The following GALNT13 variants were observed in gnomAD, a reference collection of about 807,000 sequenced individuals.
GALNT13 encodes UDP-GalNAc:polypeptide N-acetylgalactosaminyltransferase 13.
GALNT13 carries 28 observed loss-of-function variants against 64.2 expected under a neutral mutation model. The observed-to-expected ratio is 0.44, with a 90% CI of 0.32 to 0.60. The LOEUF (loss-of-function observed/expected upper bound fraction) is 0.60, where lower values mean the gene tolerates loss of function less well. Among genes scored for constraint, GALNT13 ranks in the 20% least tolerant of loss-of-function variants. The pLI is 0.05. For synonymous variants in GALNT13, 214 were observed against 224.6 expected (o/e 0.95, Z 0.42); for missense variants, 577 against 669.8 (o/e 0.86, Z 1.53).
the GALNT13 span, among the ~76,000 whole-genome samples, chr2:153,125,674 T>A: frequency 6.6e-6 from 1 of 152,342 alleles, no homozygotes; most frequent in South Asian, 2.1e-4. Flanking sequence ...TAAGCATTAA[T>A]GTAATTATGT....
At chr2:153,181,030 C>CTTTTTT in the GALNT13 span, among the ~76,000 whole-genome samples, 232 of 32,024 alleles carry the variant, frequency 7.2e-3, 15 homozygotes, top group African/African-American at 0.024. Context: ...TTTATTGTTT[C>CTTTTTT]TTTTTTTTTT....
intron 11 of GALNT13, among the ~76,000 whole-genome samples, chr2:154,420,990 G>A (rs1700224476): frequency 6.6e-6 from 1 of 152,008 alleles, no homozygotes; most frequent in Admixed American, 6.6e-5. Context: ...AATTAGGCAA[G>A]GATATTCCTA....
the GALNT13 span, among the ~76,000 whole-genome samples, chr2:153,528,229 G>A: frequency 1.3e-5 from 2 of 151,786 alleles, no homozygotes; most frequent in African/African-American, 4.8e-5. Flanking sequence ...TAAATGGATG[G>A]AAGAAGATAT....
chr2:154,396,118 C>G lies in GALNT13; in HGVS notation c.1284C>G (p.Tyr428Ter). The change falls in exon 10 of 13, where the codon TAC becomes TAG. Residue 428 changes from tyrosine (Y) to a stop codon, truncating the protein, a stop_gained. Transcript: ENST00000392825. LOFTEE classifies it high-confidence loss of function. ...ACTCCCAGATCCCAAGACGTTATTA[C>G]TCACTTGGTGAGGTATGAATTATTT... ...YPDSQIPRRY[Y>*]SLGEIRNVET... is the part of the protein sequence containing the mutation. The G allele has an allele frequency of 6.2e-7, 1 of 1,602,536 alleles. No homozygotes were observed. The highest frequency in any genetic ancestry group is 8.5e-7 in the Non-Finnish European group (1 of 1,175,058).
chr2:154,312,759 G>A (rs1053797619), intron 9 of GALNT13, among the ~76,000 whole-genome samples: 2 of 152,102 alleles, frequency 1.3e-5, no homozygotes, highest in African/African-American at 4.8e-5. Flanking sequence ...TGTTTTGCTT[G>A]TTTGTTTGAT....
chr2:153,393,330 T>C, the GALNT13 span, among the ~76,000 whole-genome samples: 1 of 151,990 alleles, frequency 6.6e-6, no homozygotes, highest in Non-Finnish European at 1.5e-5. Flanking sequence ...CTCTAGTTTC[T>C]TTGTCTTGTT....
the GALNT13 span, among the ~76,000 whole-genome samples, chr2:153,461,096 T>C: frequency 8.2e-4 from 125 of 152,294 alleles, no homozygotes; most frequent in Middle Eastern, 0.01. Context: ...ATTTATCAAT[T>C]GTATATCCTT....
the GALNT13 span, among the ~76,000 whole-genome samples, chr2:153,219,843 A>C: frequency 1.3e-5 from 2 of 152,232 alleles, no homozygotes; most frequent in African/African-American, 2.4e-5. Flanking sequence ...GTTATTGCTG[A>C]ATCTGGGAGA....
chr2:153,391,929 T>G, the GALNT13 span, among the ~76,000 whole-genome samples: 1 of 150,546 alleles, frequency 6.6e-6, no homozygotes, highest in Non-Finnish European at 1.5e-5. Flanking sequence ...TGAAGCTTCC[T>G]TTACTCATTT....
At chr2:153,992,704 G>T (rs1009213548) in intron 3 of GALNT13, among the ~76,000 whole-genome samples, 19 of 152,028 alleles carry the variant, frequency 1.2e-4, no homozygotes, top group African/African-American at 4.6e-4. Flanking sequence ...ATTGTCATGG[G>T]TTATAACTTT....
At chr2:153,628,269 T>C in the GALNT13 span, among the ~76,000 whole-genome samples, 1 of 151,808 alleles carries the variant, frequency 6.6e-6, no homozygotes, top group African/African-American at 2.4e-5. Context: ...GTTTTCTAGA[T>C]ATACAATCAT....
At chr2:153,362,552 G>GAAAAAAA in the GALNT13 span, among the ~76,000 whole-genome samples, 1 of 16,970 alleles carries the variant, frequency 5.9e-5, no homozygotes, top group Non-Finnish European at 1.2e-4. Context: ...CAAATGGAGA[G>GAAAAAAA]CAAAAAAAAA....
chr2:153,087,802 A>G, the GALNT13 span, among the ~76,000 whole-genome samples: 9 of 152,016 alleles, frequency 5.9e-5, no homozygotes, highest in African/African-American at 1.9e-4. Flanking sequence ...TTTCTGTGGT[A>G]TCAGTTGTAA....
the GALNT13 span, among the ~76,000 whole-genome samples, chr2:153,654,682 A>G: frequency 1.3e-5 from 2 of 152,112 alleles, no homozygotes; most frequent in Non-Finnish European, 2.9e-5. Flanking sequence ...AATACAACAT[A>G]ATTATTTATA....
At chr2:153,505,476 T>C in the GALNT13 span, among the ~76,000 whole-genome samples, 1 of 152,108 alleles carries the variant, frequency 6.6e-6, no homozygotes, top group East Asian at 1.9e-4. Flanking sequence ...CAGTTTGCTC[T>C]TTCAAACTTT....
the GALNT13 span, among the ~76,000 whole-genome samples, chr2:153,467,109 G>A: frequency 6.6e-6 from 1 of 151,992 alleles, no homozygotes; most frequent in African/African-American, 2.4e-5. Context: ...ACTATTGGTG[G>A]AGTTTAATGA....
chr2:154,441,051 A>C (rs1273138348), intron 12 of GALNT13, among the ~76,000 whole-genome samples: 1 of 152,134 alleles, frequency 6.6e-6, no homozygotes, highest in Admixed American at 6.6e-5. Context: ...CAGGATCCGA[A>C]CCCATGCTAA....
chr2:153,904,755 T>C (rs1389615083), intron 2 of GALNT13, among the ~76,000 whole-genome samples: 1 of 151,916 alleles, frequency 6.6e-6, no homozygotes, highest in African/African-American at 2.4e-5. Flanking sequence ...AATTTCTTAA[T>C]GAGGTTTTTT....
At chr2:153,799,100 A>G in the GALNT13 span, among the ~76,000 whole-genome samples, 1 of 152,166 alleles carries the variant, frequency 6.6e-6, no homozygotes, top group Non-Finnish European at 1.5e-5. Flanking sequence ...AGGTGTCCAT[A>G]TGAAGAAAAA....
Sources: gnomAD v4.1 joint callset for allele counts (sites outside exome capture counted in the v4.1 genomes callset) on GRCh38, gnomAD v4.1.1 for gene constraint, MANE v1.5 for transcripts, NCBI Gene and HGNC (gene_info 2026-07-23, HGNC 2026-07-21) for gene names.